The following RBFOX1 variants were observed in gnomAD, a reference collection of about 807,000 sequenced individuals.
The protein encoded by RBFOX1 is RNA binding protein fox-1 homolog 1.
Under a neutral mutation model 57.7 loss-of-function variants are expected in RBFOX1, and 8 were observed. The ratio of observed to expected loss-of-function variants is 0.14; its 90% CI spans 0.08 to 0.25. RBFOX1 has a LOEUF of 0.25. Ranked by LOEUF, RBFOX1 falls within the 10% of genes least tolerant of loss-of-function variation. The pLI, the probability that RBFOX1 is intolerant of heterozygous loss-of-function variation, is 1.00. For synonymous variants in RBFOX1, 326 were observed against 222.4 expected (o/e 1.47, Z -4.15); for missense variants, 611 against 548.5 (o/e 1.11, Z -1.14).
intron 2 of RBFOX1, among the ~76,000 whole-genome samples, chr16:6,432,226 C>G (rs1313130602): frequency 6.6e-6 from 1 of 152,078 alleles, no homozygotes; most frequent in Non-Finnish European, 1.5e-5. Context: ...ACCTGGGCTT[C>G]CCAAAGTGCT....
intron 3 of RBFOX1, among the ~76,000 whole-genome samples, chr16:5,801,561 G>A (rs879297332): frequency 2.6e-5 from 4 of 152,130 alleles, no homozygotes; most frequent in African/African-American, 9.7e-5. Context: ...GCATGCACGC[G>A]GGGATGAGTG....
intron 2 of RBFOX1, among the ~76,000 whole-genome samples, chr16:6,640,802 C>A (rs557097572): frequency 1.3e-5 from 2 of 152,082 alleles, no homozygotes; most frequent in Admixed American, 1.3e-4. Flanking sequence ...AACCAGAATA[C>A]GTTCTCTGGG....
chr16:5,756,248 A>AAAG, intron 3 of RBFOX1, among the ~76,000 whole-genome samples: 2 of 137,496 alleles, frequency 1.5e-5, no homozygotes, highest in South Asian at 4.6e-4. Flanking sequence ...AAAAAAAAAA[A>AAAG]CCCTGCACCA....
chr16:6,299,561 A>G (rs970013629), intron 1 of RBFOX1, among the ~76,000 whole-genome samples: 1 of 151,852 alleles, frequency 6.6e-6, no homozygotes, highest in African/African-American at 2.4e-5. Flanking sequence ...CCTTCCCAAG[A>G]CCCCAGCGTC....
chr16:7,640,046 G>T (rs2062502985), intron 11 of RBFOX1, among the ~76,000 whole-genome samples: 1 of 152,174 alleles, frequency 6.6e-6, no homozygotes, highest in Non-Finnish European at 1.5e-5. Context: ...ATTAACAGAT[G>T]ATTTCTAAGA....
At chr16:5,443,201 C>G (rs529690625) in intron 1 of RBFOX1, among the ~76,000 whole-genome samples, 1 of 152,272 alleles carries the variant, frequency 6.6e-6, no homozygotes, top group African/African-American at 2.4e-5. Context: ...TCCCAGGAGA[C>G]TAAGCCGTGC....
chr16:5,933,367 A>G (rs1405102244), intron 4 of RBFOX1, among the ~76,000 whole-genome samples: 1 of 151,982 alleles, frequency 6.6e-6, no homozygotes, highest in Non-Finnish European at 1.5e-5. Context: ...GCAGTGGGGG[A>G]GTGTTCGTGT....
chr16:7,472,942 A>G (rs935420124), intron 4 of RBFOX1, among the ~76,000 whole-genome samples: 1 of 152,248 alleles, frequency 6.6e-6, no homozygotes, highest in Non-Finnish European at 1.5e-5. Context: ...TCTGAAAAAC[A>G]TACAGGGATT....
chr16:5,774,427 A>G (rs567745005), intron 3 of RBFOX1, among the ~76,000 whole-genome samples: 11 of 152,352 alleles, frequency 7.2e-5, no homozygotes, highest in South Asian at 4.1e-4. Flanking sequence ...TCACAGAGGC[A>G]GTATTTTAAA....
intron 2 of RBFOX1, among the ~76,000 whole-genome samples, chr16:6,403,056 G>C (rs2052103): frequency 0.14 from 20,923 of 152,086 alleles, 2,246 homozygotes; most frequent in African/African-American, 0.29. Flanking sequence ...CTTGGGTGCT[G>C]AGAGAGTCGA....
At chr16:6,864,704 A>C (rs2059604581) in intron 3 of RBFOX1, among the ~76,000 whole-genome samples, 1 of 152,136 alleles carries the variant, frequency 6.6e-6, no homozygotes, top group African/African-American at 2.4e-5. Context: ...AATGCATGGA[A>C]TCCTGAAGAA....
At chr16:6,713,937 A>G (rs1270501694) in intron 3 of RBFOX1, among the ~76,000 whole-genome samples, 2 of 152,158 alleles carry the variant, frequency 1.3e-5, no homozygotes. Flanking sequence ...CCAGAAGCAG[A>G]CCTGAGGCAA....
intron 2 of RBFOX1, among the ~76,000 whole-genome samples, chr16:6,530,916 A>G (rs1281694096): frequency 1.3e-5 from 2 of 152,124 alleles, no homozygotes; most frequent in African/African-American, 2.4e-5. Context: ...CAGCCAAACC[A>G]TATCACTCCT....
chr16:6,960,474 T>C (rs1427172650), intron 3 of RBFOX1, among the ~76,000 whole-genome samples: 1 of 152,160 alleles, frequency 6.6e-6, no homozygotes, highest in African/African-American at 2.4e-5. Flanking sequence ...TCGTGTATGT[T>C]GTTATTGGGC....
chr16:5,454,845 CTTT>C (rs1567534637), intron 1 of RBFOX1, among the ~76,000 whole-genome samples: 16 of 78,084 alleles, frequency 2.0e-4, no homozygotes, highest in Middle Eastern at 7.0e-3. Flanking sequence ...TCTTTCCTTT[CTTT>C]CTTTCTTTTC....
chr16:6,234,176 C>G (rs2097487579), intron 1 of RBFOX1, among the ~76,000 whole-genome samples: 7 of 152,204 alleles, frequency 4.6e-5, no homozygotes, highest in Admixed American at 4.6e-4. Context: ...ATCACAGTGG[C>G]ATTAAGTCTC....
intron 4 of RBFOX1, among the ~76,000 whole-genome samples, chr16:7,403,887 A>C (rs1311035657): frequency 6.6e-6 from 1 of 150,778 alleles, no homozygotes; most frequent in African/African-American, 2.4e-5. Flanking sequence ...TAGTACGTAC[A>C]TAAATTTTAA....
chr16:7,210,381 G>A (rs1384810234), intron 4 of RBFOX1, among the ~76,000 whole-genome samples: 7 of 152,052 alleles, frequency 4.6e-5, no homozygotes, highest in South Asian at 2.1e-4. Context: ...CATGGACCAC[G>A]GTGTGGTCCT....
intron 1 of RBFOX1, among the ~76,000 whole-genome samples, chr16:6,225,242 A>G (rs1403659768): frequency 6.6e-6 from 1 of 152,032 alleles, no homozygotes; most frequent in Non-Finnish European, 1.5e-5. Flanking sequence ...ATATATATAT[A>G]TATAAAATAG....
Sources: gnomAD v4.1 joint callset for allele counts (sites outside exome capture counted in the v4.1 genomes callset) on GRCh38, gnomAD v4.1.1 for gene constraint, MANE v1.5 for transcripts, NCBI Gene and HGNC (gene_info 2026-07-23, HGNC 2026-07-21) for gene names.